Variants in GCLC observed in about 807,000 individuals in gnomAD.
GCLC encodes the protein glutamate--cysteine ligase catalytic subunit.
Under a neutral mutation model 81.5 loss-of-function variants are expected in GCLC, and 30 were observed. The ratio of observed to expected loss-of-function variants is 0.37; its 90% CI spans 0.28 to 0.50. GCLC has a LOEUF of 0.50. Among genes scored for constraint, GCLC ranks in the 20% least tolerant of loss-of-function variants. The probability of loss-of-function intolerance (pLI) is 0.96; values close to 1 mark genes in which losing one functional copy is unlikely to be tolerated. For synonymous variants in GCLC, 262 were observed against 273.3 expected, an observed-to-expected ratio of 0.96 and a Z score of 0.41; for missense variants, 556 against 777.4, an observed-to-expected ratio of 0.72 and a Z score of 3.39.
At chr6:53,499,307 G>T (rs971936489) in intron 15 of GCLC, among the ~76,000 whole-genome samples, 1 of 152,158 alleles carries the variant, frequency 6.6e-6, no homozygotes, top group South Asian at 2.1e-4. Context: ...AGAGGGCTAG[G>T]ACTACAAATG....
intron 1 of GCLC, among the ~76,000 whole-genome samples, chr6:53,530,930 C>CT (rs1171347373): frequency 6.6e-6 from 1 of 152,196 alleles, no homozygotes; most frequent in African/African-American, 2.4e-5. Context: ...TCACAGAGCT[C>CT]TTTTCCTCCT....
chr6:53,539,598 A>G (rs1763317587), intron 1 of GCLC, among the ~76,000 whole-genome samples: 1 of 144,256 alleles, frequency 6.9e-6, no homozygotes, highest in African/African-American at 2.7e-5. Flanking sequence ...GGCGCGTTTT[A>G]AGTTCATTTT....
At position 53,506,694 on chromosome 6, in the gene GCLC, A is replaced by G. The variant is rs1764621632; in HGVS notation, c.1197+219T>C. 1 of 536,422 alleles carries G rather than the reference A, an allele frequency of 1.9e-6. No homozygotes were observed. Among genetic ancestry groups the G allele is most frequent in the African/African-American group, 1.9e-5 (1 of 52,538 alleles). 33.2% of individuals were successfully genotyped at this position (536,422 alleles called of 1,614,324 possible). A position where few individuals can be genotyped will look rare whatever the true frequency, so the allele number is the denominator to read the frequency against. ...TAGAATCAGTGAGATAAACAGTAAG[A>G]ATCGTAAAATAAGAGTACTTGAAAC... is the stretch of plus-strand genomic sequence containing the variant. On this transcript the variant is annotated intron_variant, in intron 10 of 15. Coordinates refer to ENST00000650454, the MANE Select transcript of GCLC (RefSeq NM_001498.4). The surrounding 1 kb of genome is among the most constrained non-coding windows in gnomAD (Gnocchi z 4.0).
At chr6:53,504,179 G>A (rs2127619885) in intron 12 of GCLC, among the ~76,000 whole-genome samples, 1 of 151,820 alleles carries the variant, frequency 6.6e-6, no homozygotes, top group Non-Finnish European at 1.5e-5. Flanking sequence ...TCTAAAAAAG[G>A]TTTAAAAGTA....
chr6:53,515,074 C>T (rs537519235), intron 4 of GCLC, among the ~76,000 whole-genome samples: 9 of 151,654 alleles, frequency 5.9e-5, no homozygotes, highest in Non-Finnish European at 1.2e-4. Flanking sequence ...TTGAAGACTC[C>T]GTACAAAAAA....
chr6:53,509,898 T>C (rs12528679), intron 6 of GCLC: 28,234 of 153,282 alleles, frequency 0.18, 3,822 homozygotes, highest in East Asian at 0.44. Flanking sequence ...ATGATCTGCT[T>C]GCCTCGGCCT....
chr6:53,509,272 AT>A (rs1275633219), intron 6 of GCLC, 22 bp from the exon 7 acceptor site: 3 of 1,418,868 alleles, frequency 2.1e-6, no homozygotes, highest in Non-Finnish European at 3.0e-6. Flanking sequence ...TTGCAAAGTT[AT>A]TAACACCAAG....
chr6:53,510,938 T>C (rs988076291), intron 6 of GCLC, among the ~76,000 whole-genome samples: 7 of 152,160 alleles, frequency 4.6e-5, no homozygotes, highest in African/African-American at 1.7e-4. Flanking sequence ...TTGATAAGGG[T>C]TGGCAATTAA....
intron 6 of GCLC, among the ~76,000 whole-genome samples, chr6:53,511,911 T>C (rs1053743658): frequency 6.6e-5 from 1 of 15,068 alleles, no homozygotes; most frequent in African/African-American, 3.9e-4. Context: ...GGGGGGGGGG[T>C]GGGAGGGGCT....
chr6:53,523,599 C>T (rs1763034258), intron 1 of GCLC, among the ~76,000 whole-genome samples: 1 of 152,082 alleles, frequency 6.6e-6, no homozygotes, highest in Non-Finnish European at 1.5e-5. Context: ...AAAACAATAC[C>T]CAGAAGCCCA....
At chr6:53,520,085 G>A (rs1312297743) in intron 3 of GCLC, among the ~76,000 whole-genome samples, 1 of 152,158 alleles carries the variant, frequency 6.6e-6, no homozygotes, top group Admixed American at 6.5e-5. Context: ...TCACATTCAT[G>A]TTTTGGCAGA....
intron 1 of GCLC, among the ~76,000 whole-genome samples, chr6:53,535,050 A>G (rs62398115): frequency 0.098 from 14,851 of 152,210 alleles, 976 homozygotes; most frequent in East Asian, 0.26. Context: ...CTAATACTAC[A>G]TGATCTCATG....
At chr6:53,526,695 G>C (rs1763087432) in intron 1 of GCLC, among the ~76,000 whole-genome samples, 1 of 151,704 alleles carries the variant, frequency 6.6e-6, no homozygotes, top group African/African-American at 2.4e-5. Flanking sequence ...CTACTAAGGA[G>C]GCTGAGGCAG....
At chr6:53,523,328 G>A (rs547485853) in intron 1 of GCLC, 1 of 152,204 alleles carries the variant, frequency 6.6e-6, no homozygotes, top group African/African-American at 2.4e-5. Flanking sequence ...GAATCACTGT[G>A]TGTGATGGAA....
At chr6:53,507,682 TATG>T (rs1764643550) in intron 8 of GCLC, 64 bp from the exon 9 acceptor site, 1 of 674,558 alleles carries the variant, frequency 1.5e-6, no homozygotes, top group Non-Finnish European at 2.4e-6. Context: ...TATTTTTATA[TATG>T]ATAATTATAT....
intron 7 of GCLC, 60 bp downstream of exon 7, chr6:53,509,116 G>A: frequency 9.8e-7 from 1 of 1,021,916 alleles, no homozygotes; most frequent in Non-Finnish European, 1.6e-6. Context: ...AGTAAATTCT[G>A]CACATGCTAT....
chr6:53,514,066 T>C (rs1244273741), intron 6 of GCLC, 138 bp downstream of exon 6: 10 of 775,400 alleles, frequency 1.3e-5, no homozygotes, highest in South Asian at 1.1e-4. Flanking sequence ...TAACTTCATG[T>C]TTTTCAGAAA....
Position 53,507,632 on chromosome 6 carries a change from A to T in GCLC, c.946-14T>A. 1 of 1,191,600 alleles carries T rather than the reference A, an allele frequency of 8.4e-7. No homozygotes were observed. The highest frequency in any genetic ancestry group is 1.2e-6 in the Non-Finnish European group (1 of 806,868). 73.8% of individuals were successfully genotyped at this position (1,191,600 alleles called of 1,614,324 possible). A position where few individuals can be genotyped will look rare whatever the true frequency, so the allele number is the denominator to read the frequency against. On this transcript the variant is annotated splice_polypyrimidine_tract_variant and intron_variant, in intron 8 of 15. Transcript: ENST00000650454. ...GTTCTTCAATGGCTAAAGATTAAAA[A>T]TATATATAAATGAATATGCTATATA...
chr6:53,544,680 C>A lies in GCLC; in HGVS notation c.-35G>T. 1.2e-5 allele frequency: 15 copies of A among 1,206,484 alleles called. No homozygotes were observed. The highest frequency in any genetic ancestry group is 2.9e-5 in the Admixed American group (1 of 34,580). 74.7% of individuals were successfully genotyped at this position (1,206,484 alleles called of 1,614,324 possible). On this transcript the variant is annotated 5_prime_UTR_variant, in exon 1 of 16. Coordinates refer to ENST00000650454, the MANE Select transcript of GCLC (RefSeq NM_001498.4). ...CTCCTCCTCCTCCTCCTCCTCCGGGCTGACGGCGGTCGCCCGCTCCGGGCG... is the reference window on the plus strand; with the variant it reads ...CTCCTCCTCCTCCTCCTCCTCCGGGATGACGGCGGTCGCCCGCTCCGGGCG...
Sources: gnomAD v4.1 joint callset for allele counts (sites outside exome capture counted in the v4.1 genomes callset) on GRCh38, gnomAD v4.1.1 for gene constraint, Gnocchi (gnomAD v3.1) non-coding constraint, MANE v1.5 for transcripts, NCBI Gene and HGNC (gene_info 2026-07-23, HGNC 2026-07-21) for gene names.